Variants in POU6F2 observed in about 807,000 individuals in gnomAD.
The protein encoded by POU6F2 is POU domain, class 6, transcription factor 2.
Under a neutral mutation model 71.3 loss-of-function variants are expected in POU6F2, and 31 were observed. That is an observed-to-expected ratio of 0.43 (90% confidence interval 0.33 to 0.59). The LOEUF (loss-of-function observed/expected upper bound fraction) is 0.59. Among genes scored for constraint, POU6F2 ranks in the 20% least tolerant of loss-of-function variants. The probability of loss-of-function intolerance (pLI) is 0.04; values close to 1 mark genes in which losing one functional copy is unlikely to be tolerated. For missense variants in POU6F2, 783 were observed against 856.8 expected (o/e 0.91, Z 1.07); for synonymous variants, 347 against 355.7 (o/e 0.98, Z 0.27).
intron 1 of POU6F2, among the ~76,000 whole-genome samples, chr7:39,066,170 T>G (rs987050171): frequency 2.0e-5 from 3 of 151,718 alleles, no homozygotes; most frequent in Non-Finnish European, 4.4e-5. Flanking sequence ...AGAAAACAAC[T>G]GATAAAATAC....
At chr7:39,184,762 C>T (rs1422878761) in intron 2 of POU6F2, among the ~76,000 whole-genome samples, 1 of 152,182 alleles carries the variant, frequency 6.6e-6, no homozygotes, top group African/African-American at 2.4e-5. Flanking sequence ...ATATGAAACA[C>T]ACCAAATGGG....
intron 2 of POU6F2, among the ~76,000 whole-genome samples, chr7:39,160,124 A>G (rs1050847442): frequency 2.0e-5 from 3 of 152,190 alleles, no homozygotes; most frequent in Non-Finnish European, 2.9e-5. Context: ...CCAAGTTGAG[A>G]GAGGGTTTCC....
chr7:39,199,333 A>G (rs1365139067), intron 2 of POU6F2, among the ~76,000 whole-genome samples: 3 of 152,194 alleles, frequency 2.0e-5, no homozygotes, highest in Non-Finnish European at 2.9e-5. Context: ...TAAAAAGAGT[A>G]TATGTGTTTC....
At chr7:39,263,054 G>A (rs1583482790) in intron 4 of POU6F2, among the ~76,000 whole-genome samples, 2 of 152,126 alleles carry the variant, frequency 1.3e-5, no homozygotes, top group African/African-American at 4.8e-5. Flanking sequence ...ACCACATGCT[G>A]TCCCCAGAAA....
At chr7:39,310,792 C>T (rs978118737) in intron 4 of POU6F2, among the ~76,000 whole-genome samples, 3 of 152,178 alleles carry the variant, frequency 2.0e-5, no homozygotes, top group African/African-American at 4.8e-5. Context: ...TGCGACCCAG[C>T]GGCAGGGTGC....
At chr7:39,278,527 G>C (rs1380088258) in intron 4 of POU6F2, among the ~76,000 whole-genome samples, 1 of 152,186 alleles carries the variant, frequency 6.6e-6, no homozygotes, top group Non-Finnish European at 1.5e-5. Context: ...AGAGAACAAA[G>C]GGTATTGAGT....
At chr7:39,168,315 A>G (rs1793153544) in intron 2 of POU6F2, among the ~76,000 whole-genome samples, 1 of 152,242 alleles carries the variant, frequency 6.6e-6, no homozygotes, top group Non-Finnish European at 1.5e-5. Flanking sequence ...CATATGAGGT[A>G]CATGGAGCAG....
At chr7:39,123,499 C>T (rs1261422391) in intron 2 of POU6F2, among the ~76,000 whole-genome samples, 1 of 152,228 alleles carries the variant, frequency 6.6e-6, no homozygotes, top group African/African-American at 2.4e-5. Context: ...AACATCCTTT[C>T]CTAAAATATA....
intron 1 of POU6F2, among the ~76,000 whole-genome samples, chr7:39,046,699 C>G (rs1356233653): frequency 6.6e-6 from 1 of 151,854 alleles, no homozygotes; most frequent in African/African-American, 2.4e-5. Context: ...TGCACTAGAT[C>G]CATTAGCGCT....
At position 39,207,556 on chromosome 7, in the gene POU6F2, C is replaced by T. The variant is rs1246097541; in HGVS notation, c.534C>T (p.Ile178=). The change falls in exon 4 of 10, where the codon ATC becomes ATT. Residue 178 remains isoleucine, a synonymous_variant. Transcript: ENST00000518318. ...LTLPTANLTN[I]QGLVAAAAAG... Reference sequence around the variant, plus strand: ...TGCCAACAGCGAATCTCACCAACATCCAAGGGCTGGTGGCAGCAGCTGCAG... The same window carrying T: ...TGCCAACAGCGAATCTCACCAACATTCAAGGGCTGGTGGCAGCAGCTGCAG... 6.2e-7 allele frequency: 1 copy of T among 1,613,928 alleles called. No homozygotes were observed. Among genetic ancestry groups the T allele is most frequent in the South Asian group, 1.1e-5 (1 of 91,090 alleles).
chr7:39,117,931 C>T (rs1039927303), intron 2 of POU6F2, among the ~76,000 whole-genome samples: 1 of 152,142 alleles, frequency 6.6e-6, no homozygotes, highest in Non-Finnish European at 1.5e-5. Flanking sequence ...AACAAAGGCA[C>T]TGAGTGAGAA....
intron 4 of POU6F2, among the ~76,000 whole-genome samples, chr7:39,267,017 T>G (rs1254763985): frequency 2.6e-5 from 4 of 152,146 alleles, no homozygotes; most frequent in Admixed American, 2.0e-4. Context: ...GAAATGAAGA[T>G]TCTATATTTT....
At chr7:39,029,971 A>G (rs1340564239) in intron 1 of POU6F2, among the ~76,000 whole-genome samples, 1 of 152,132 alleles carries the variant, frequency 6.6e-6, no homozygotes. Context: ...TTGCTCATGA[A>G]TGACATTAGC....
At chr7:39,191,184 T>C (rs762109847) in intron 2 of POU6F2, among the ~76,000 whole-genome samples, 8 of 152,174 alleles carry the variant, frequency 5.3e-5, no homozygotes, top group Non-Finnish European at 7.3e-5. Context: ...AAAGGAAGAT[T>C]TGGGGATGCA....
chr7:39,328,179 A>G (rs1424618936), intron 4 of POU6F2, among the ~76,000 whole-genome samples: 3 of 152,190 alleles, frequency 2.0e-5, no homozygotes, highest in African/African-American at 7.2e-5. Context: ...TTGGCCTCCC[A>G]AAGTGCTGGG....
In POU6F2 at chr7:39,243,861, A is replaced by C. The variant is rs79054053; in HGVS notation, c.598+36241A>C. 2.4e-3 allele frequency among the ~76,000 whole-genome samples: 370 copies of C among 152,232 alleles called. 2 individuals carry two copies. The highest frequency in any genetic ancestry group is 8.5e-3 in the African/African-American group (352 of 41,544). ...TGCCCATTTTTTAAAACTAAGTACC[A>C]ACTTTGAAGTACAGCCTATTTTTAG... On this transcript the variant is annotated intron_variant, in intron 4 of 9. Coordinates refer to ENST00000518318, the MANE Select transcript of POU6F2 (RefSeq NM_001370959.1).
intron 5 of POU6F2, among the ~76,000 whole-genome samples, chr7:39,370,137 C>T (rs1012192842): frequency 2.6e-5 from 4 of 152,136 alleles, no homozygotes; most frequent in South Asian, 2.1e-4. Context: ...ATAATATCTC[C>T]GAGGTATGCC....
intron 2 of POU6F2, among the ~76,000 whole-genome samples, chr7:39,142,907 T>C (rs1475046923): frequency 6.6e-6 from 1 of 152,226 alleles, no homozygotes; most frequent in African/African-American, 2.4e-5. Flanking sequence ...AAATCATATG[T>C]ACATTTATTT....
intron 5 of POU6F2, among the ~76,000 whole-genome samples, chr7:39,367,525 C>A (rs978766023): frequency 3.3e-5 from 5 of 152,172 alleles, no homozygotes; most frequent in Non-Finnish European, 7.3e-5. Context: ...AAATGTAAAT[C>A]TTTTAAAAGC....
Sources: allele counts gnomAD v4.1 joint callset (sites outside exome capture counted in the v4.1 genomes callset), GRCh38; gene constraint gnomAD v4.1.1; transcripts MANE v1.5; gene names NCBI Gene and HGNC (gene_info 2026-07-23, HGNC 2026-07-21).